ARHGEF38: variants seen among roughly 807,000 people sequenced by gnomAD.
ARHGEF38 encodes the protein Rho guanine nucleotide exchange factor 38, also known as Rho guanine nucleotide exchange factor (GEF) 38.
A neutral mutation model predicts 79.9 loss-of-function variants in ARHGEF38; 79 were observed. The ratio of observed to expected loss-of-function variants is 0.99; its 90% CI spans 0.82 to 1.19. ARHGEF38 has a LOEUF of 1.19. Among genes scored for constraint, ARHGEF38 ranks in the 50% most tolerant of loss-of-function variants. ARHGEF38 has a pLI of 0.00. For synonymous variants in ARHGEF38, 366 were observed against 328.3 expected (o/e 1.11, Z -1.24); for missense variants, 962 against 907.2 (o/e 1.06, Z -0.78).
chr4:105,576,585 G>C (rs1189417617), intron 1 of ARHGEF38, among the ~76,000 whole-genome samples: 1 of 151,726 alleles, frequency 6.6e-6, no homozygotes, highest in East Asian at 1.9e-4. Flanking sequence ...GAAAATTTAG[G>C]GTTTCCTAAG....
intron 2 of ARHGEF38, among the ~76,000 whole-genome samples, chr4:105,591,685 A>G (rs931149427): frequency 3.3e-4 from 50 of 152,226 alleles, no homozygotes; most frequent in African/African-American, 1.2e-3. Context: ...ACAGGAAGTC[A>G]TCTTCAGTTT....
At chr4:105,630,084 T>C (rs1240941951) in intron 3 of ARHGEF38, among the ~76,000 whole-genome samples, 1 of 152,178 alleles carries the variant, frequency 6.6e-6, no homozygotes, top group Admixed American at 6.5e-5. Flanking sequence ...TACTATACTA[T>C]GAACTTTACA....
chr4:105,655,665 C>T lies in ARHGEF38; in HGVS notation c.1176C>T (p.Asp392=), dbSNP rs1356914561. The T allele has an allele frequency of 1.0e-5, 16 of 1,535,574 alleles. No individual in the cohort carries two copies. Among genetic ancestry groups the T allele is most frequent in the Middle Eastern group, 3.3e-4 (2 of 6,008 alleles). The change falls in exon 9 of 14, where the codon GAC becomes GAT. Residue 392 remains aspartate, a synonymous_variant. Coordinates refer to ENST00000420470, the MANE Select transcript of ARHGEF38 (RefSeq NM_001242729.2). The part of the protein sequence containing the change: ...MDLQEISYNK[D]DEMDYSETLS... Reference sequence around the variant, plus strand: ...TTCAGGAGATTTCATACAACAAAGACGATGAGATGGACTATTCTGAGACCC... The same window carrying T: ...TTCAGGAGATTTCATACAACAAAGATGATGAGATGGACTATTCTGAGACCC...
At chr4:105,631,614 C>T in intron 4 of ARHGEF38, 1 of 985,208 alleles carries the variant, frequency 1.0e-6, no homozygotes, top group Non-Finnish European at 1.2e-6. Context: ...GAGGAAGTAT[C>T]TATTCACTGT....
chr4:105,569,716 T>G (rs951597354), intron 1 of ARHGEF38, among the ~76,000 whole-genome samples: 1 of 152,218 alleles, frequency 6.6e-6, no homozygotes, highest in Admixed American at 6.5e-5. Flanking sequence ...GGTGTGACCT[T>G]GGGCAAACTG....
intron 1 of ARHGEF38, among the ~76,000 whole-genome samples, chr4:105,554,837 C>T (rs17035753): frequency 2.0e-5 from 3 of 151,762 alleles, no homozygotes; most frequent in African/African-American, 7.3e-5. Flanking sequence ...CAATATTAAT[C>T]GAAGTTTGTA....
chr4:105,586,933 G>A (rs181967864), intron 1 of ARHGEF38, among the ~76,000 whole-genome samples: 29 of 115,860 alleles, frequency 2.5e-4, no homozygotes, highest in Non-Finnish European at 1.6e-5. Flanking sequence ...ATTTCACTAT[G>A]TATAATACAT....
At chr4:105,617,239 G>A (rs2110497417) in intron 3 of ARHGEF38, among the ~76,000 whole-genome samples, 1 of 152,226 alleles carries the variant, frequency 6.6e-6, no homozygotes, top group East Asian at 1.9e-4. Flanking sequence ...CATTGTGACT[G>A]CAAATGATAA....
At chr4:105,677,668 C>T (rs1214086353) in intron 13 of ARHGEF38, 84 bp from the exon 14 acceptor site, 2 of 1,254,580 alleles carry the variant, frequency 1.6e-6, no homozygotes, top group East Asian at 2.6e-5. Context: ...TTTAGCATTG[C>T]TTCTAAAAGC....
intron 2 of ARHGEF38, among the ~76,000 whole-genome samples, chr4:105,594,637 G>A (rs980679242): frequency 1.3e-5 from 2 of 152,192 alleles, no homozygotes; most frequent in Admixed American, 6.5e-5. Context: ...AGTACCAGAA[G>A]TTCCTGGCTT....
intron 2 of ARHGEF38, among the ~76,000 whole-genome samples, chr4:105,594,126 A>G (rs190009425): frequency 2.6e-5 from 4 of 152,344 alleles, no homozygotes. Flanking sequence ...TAAGGTTCTC[A>G]GAATTCTCAT....
At chr4:105,666,623 A>G (rs1730759860) in intron 11 of ARHGEF38, among the ~76,000 whole-genome samples, 1 of 152,194 alleles carries the variant, frequency 6.6e-6, no homozygotes, top group Non-Finnish European at 1.5e-5. Context: ...TAAATCATAT[A>G]GTCCAGACAT....
intron 5 of ARHGEF38, among the ~76,000 whole-genome samples, chr4:105,643,966 A>C (rs1228259888): frequency 6.9e-6 from 1 of 145,444 alleles, no homozygotes; most frequent in Non-Finnish European, 1.5e-5. Flanking sequence ...TCCCCAGCTT[A>C]AGCAATCTGC....
chr4:105,608,976 A>G (rs1455509370), intron 2 of ARHGEF38, among the ~76,000 whole-genome samples: 1 of 151,966 alleles, frequency 6.6e-6, no homozygotes, highest in African/African-American at 2.4e-5. Flanking sequence ...AACTCTGATT[A>G]TTGTTTTCTT....
At chr4:105,663,834 G>T (rs1730650908) in intron 10 of ARHGEF38, among the ~76,000 whole-genome samples, 1 of 152,100 alleles carries the variant, frequency 6.6e-6, no homozygotes, top group South Asian at 2.1e-4. Flanking sequence ...GCCAGGTGTG[G>T]TGGCACATGC....
At chr4:105,564,840 T>C (rs2110408640) in intron 1 of ARHGEF38, among the ~76,000 whole-genome samples, 1 of 152,326 alleles carries the variant, frequency 6.6e-6, no homozygotes, top group African/African-American at 2.4e-5. Flanking sequence ...GAGTGGCCAA[T>C]GGCCTGTGAC....
chr4:105,666,745 G>T (rs1730765977), intron 11 of ARHGEF38, among the ~76,000 whole-genome samples: 1 of 152,120 alleles, frequency 6.6e-6, no homozygotes, highest in Admixed American at 6.5e-5. Flanking sequence ...TGTCTAATTT[G>T]CTGATGATAT....
chr4:105,572,390 C>CA (rs1422504075), intron 1 of ARHGEF38, among the ~76,000 whole-genome samples: 2 of 152,198 alleles, frequency 1.3e-5, no homozygotes, highest in East Asian at 3.9e-4. Flanking sequence ...TGGTAAAATG[C>CA]ACATAACAAC....
chr4:105,588,258 A>G (rs184313882), intron 1 of ARHGEF38, among the ~76,000 whole-genome samples: 85 of 152,330 alleles, frequency 5.6e-4, no homozygotes, highest in Non-Finnish European at 7.4e-5. Context: ...GAATGTGTCA[A>G]CATTGAAGAT....
Sources: gnomAD v4.1 joint callset for allele counts (sites outside exome capture counted in the v4.1 genomes callset) on GRCh38, gnomAD v4.1.1 for gene constraint, MANE v1.5 for transcripts, NCBI Gene and HGNC (gene_info 2026-07-23, HGNC 2026-07-21) for gene names.